CLASP1: variants seen among roughly 807,000 people sequenced by gnomAD.
The protein encoded by CLASP1 is CLIP-associating protein 1.
Under a neutral mutation model 192.3 loss-of-function variants are expected in CLASP1, and 38 were observed. The observed-to-expected ratio is 0.20, with a 90% CI of 0.15 to 0.26. The LOEUF (loss-of-function observed/expected upper bound fraction) is 0.26. Ranked by LOEUF, CLASP1 falls within the 10% of genes least tolerant of loss-of-function variation. CLASP1 has a pLI of 1.00. For missense variants in CLASP1, 1,433 were observed against 1,932.5 expected, an observed-to-expected ratio of 0.74 and a Z score of 4.85; for synonymous variants, 691 against 712.8, an observed-to-expected ratio of 0.97 and a Z score of 0.49.
At chr2:121,526,170 G>C (rs1178730359) in intron 5 of CLASP1, among the ~76,000 whole-genome samples, 1 of 152,168 alleles carries the variant, frequency 6.6e-6, no homozygotes, top group Non-Finnish European at 1.5e-5. Context: ...TGGCCAATCT[G>C]GCCCTAACCC....
intron 2 of CLASP1, among the ~76,000 whole-genome samples, chr2:121,597,654 C>T (rs2063295103): frequency 6.6e-6 from 1 of 152,194 alleles, no homozygotes; most frequent in Non-Finnish European, 1.5e-5. Context: ...ACTAGGCTTT[C>T]AGAGTGCTTT....
chr2:121,391,695 G>A (rs1442997074), intron 30 of CLASP1, among the ~76,000 whole-genome samples: 2 of 152,168 alleles, frequency 1.3e-5, no homozygotes, highest in African/African-American at 4.8e-5. Flanking sequence ...CTGAGGTCAG[G>A]AGTTTGAGAC....
At chr2:121,476,223 T>C (rs1575233922) in intron 8 of CLASP1, among the ~76,000 whole-genome samples, 1 of 152,244 alleles carries the variant, frequency 6.6e-6, no homozygotes, top group East Asian at 1.9e-4. Context: ...GGCTGAGGGA[T>C]AGCCAGGGCC....
chr2:121,497,136 C>T (rs1236264830), intron 8 of CLASP1, among the ~76,000 whole-genome samples: 2 of 152,064 alleles, frequency 1.3e-5, no homozygotes. Context: ...CTGAACTGTA[C>T]ACTTAAAATT....
chr2:121,386,809 C>G (rs915341800), intron 32 of CLASP1, among the ~76,000 whole-genome samples: 2 of 152,166 alleles, frequency 1.3e-5, no homozygotes, highest in South Asian at 4.1e-4. Flanking sequence ...GGGTAATGAG[C>G]TTCTACATGG....
At chr2:121,470,117 C>CCTAGGG in intron 8 of CLASP1, 157 bp from the exon 9 acceptor site, 2 of 689,516 alleles carry the variant, frequency 2.9e-6, no homozygotes, top group Non-Finnish European at 2.5e-6. Context: ...TCTGGAAAGC[C>CCTAGGG]TTAGGTTAAG....
intron 37 of CLASP1, among the ~76,000 whole-genome samples, chr2:121,361,423 A>G (rs1055986188): frequency 1.3e-5 from 2 of 152,236 alleles, no homozygotes; most frequent in Non-Finnish European, 2.9e-5. Flanking sequence ...AAGTTAGCAC[A>G]TGCCATTTGC....
At chr2:121,574,644 A>C (rs1012227496) in intron 2 of CLASP1, among the ~76,000 whole-genome samples, 4 of 151,060 alleles carry the variant, frequency 2.6e-5, no homozygotes, top group African/African-American at 7.3e-5. Context: ...CAAAAAAAAA[A>C]AAAAAAAACA....
intron 39 of CLASP1, among the ~76,000 whole-genome samples, chr2:121,341,877 T>C (rs573764233): frequency 2.6e-5 from 4 of 152,346 alleles, no homozygotes; most frequent in African/African-American, 9.6e-5. Flanking sequence ...TGATTTAACA[T>C]ATGGTTTATC....
intron 2 of CLASP1, among the ~76,000 whole-genome samples, chr2:121,583,629 T>A (rs1216343037): frequency 6.6e-6 from 1 of 152,248 alleles, no homozygotes; most frequent in Non-Finnish European, 1.5e-5. Flanking sequence ...TTTCATAGCA[T>A]GCCCATCAAG....
intron 2 of CLASP1, among the ~76,000 whole-genome samples, chr2:121,574,917 T>C (rs1174436820): frequency 1.3e-5 from 2 of 151,418 alleles, no homozygotes; most frequent in African/African-American, 4.8e-5. Context: ...CACTCCAACT[T>C]GGGCTACAGA....
Position 121,534,510 on chromosome 2 carries a change from A to G in CLASP1, c.196-4185T>C, listed in dbSNP as rs1033375618. On this transcript the variant is annotated intron_variant, in intron 2 of 39. Coordinates refer to ENST00000263710, the Ensembl canonical transcript of CLASP1. Reference sequence around the variant, plus strand: ...ATCCTAATAATCTAGTCCTCGGATTATTCCTGTAAAAATTTTCTTTTGTTG... The same window carrying G: ...ATCCTAATAATCTAGTCCTCGGATTGTTCCTGTAAAAATTTTCTTTTGTTG... 2.0e-5 allele frequency among the ~76,000 whole-genome samples: 3 copies of G among 152,150 alleles called. 1 individual carries two copies. In the South Asian group the frequency reaches 6.2e-4, roughly 32 times the overall value.
intron 15 of CLASP1, among the ~76,000 whole-genome samples, chr2:121,451,236 T>C (rs534494656): frequency 6.6e-6 from 1 of 152,340 alleles, no homozygotes; most frequent in East Asian, 1.9e-4. Context: ...GATAACCCTA[T>C]TCTCTTGTGG....
At chr2:121,397,171 G>A (rs1172858480) in exon 30 of CLASP1, 3 of 1,613,790 alleles carry the variant, frequency 1.9e-6, no homozygotes, top group Non-Finnish European at 2.5e-6. Context: ...TGGTTCTGTT[G>A]TCCAGGTTAT....
chr2:121,498,011 C>T (rs1398523906), intron 8 of CLASP1, among the ~76,000 whole-genome samples: 13 of 152,094 alleles, frequency 8.5e-5, no homozygotes, highest in Non-Finnish European at 1.5e-4. Context: ...AGGCGCACAC[C>T]GCCACGCCCA....
intron 6 of CLASP1, among the ~76,000 whole-genome samples, chr2:121,524,126 G>C (rs1039402440): frequency 6.6e-6 from 1 of 152,146 alleles, no homozygotes; most frequent in Admixed American, 6.5e-5. Flanking sequence ...ATCTCCACAG[G>C]CAGTGTGAAC....
intron 7 of CLASP1, among the ~76,000 whole-genome samples, chr2:121,508,601 C>T (rs2094016077): frequency 6.6e-6 from 1 of 152,094 alleles, no homozygotes; most frequent in Admixed American, 6.5e-5. Context: ...ATAGTGTCTA[C>T]AAGAGACTCA....
chr2:121,546,035 A>G (rs1219730326), intron 2 of CLASP1, among the ~76,000 whole-genome samples: 1 of 152,228 alleles, frequency 6.6e-6, no homozygotes, highest in Admixed American at 6.5e-5. Flanking sequence ...CCTCTTGGAA[A>G]CAGAAATGAT....
chr2:121,476,580 T>G (rs1223051128), intron 8 of CLASP1, among the ~76,000 whole-genome samples: 1 of 152,222 alleles, frequency 6.6e-6, no homozygotes, highest in Non-Finnish European at 1.5e-5. Flanking sequence ...ATTGCCTATC[T>G]GCCAGGAAAG....
Sources: allele counts gnomAD v4.1 joint callset (sites outside exome capture counted in the v4.1 genomes callset), GRCh38; gene constraint gnomAD v4.1.1; transcripts MANE v1.5; gene names NCBI Gene and HGNC (gene_info 2026-07-23, HGNC 2026-07-21).